The following KIRREL3 variants were observed in gnomAD, a reference collection of about 807,000 sequenced individuals.
KIRREL3 encodes the protein kirre like nephrin family adhesion molecule 3.
A neutral mutation model predicts 89.7 loss-of-function variants in KIRREL3; 36 were observed. The ratio of observed to expected loss-of-function variants is 0.40; its 90% CI spans 0.31 to 0.53. The LOEUF is 0.53. Ranked by LOEUF, KIRREL3 falls within the 20% of genes least tolerant of loss-of-function variation. KIRREL3 has a pLI of 0.49. For missense variants in KIRREL3, 864 were observed against 1,056.6 expected (o/e 0.82, Z 2.53); for synonymous variants, 445 against 441.4 (o/e 1.01, Z -0.10).
chr11:126,914,164 C>G (rs974896659), intron 1 of KIRREL3, among the ~76,000 whole-genome samples: 1 of 152,152 alleles, frequency 6.6e-6, no homozygotes, highest in South Asian at 2.1e-4. Flanking sequence ...AGGAATGTCT[C>G]GGATAGGTGC....
chr11:126,999,391 G>A lies in KIRREL3; in HGVS notation c.55+1064C>T, dbSNP rs1950260575. ...ACAGGGGAGAAACAGAAGACATGCT[G>A]TTTGCTTGCAAAGCCAGCCACCCAT... On this transcript the variant is annotated intron_variant, in intron 1 of 16. Coordinates refer to ENST00000525144, the MANE Select transcript of KIRREL3 (RefSeq NM_032531.4). The surrounding 1 kb of genome is among the most constrained non-coding windows in gnomAD (Gnocchi z 5.7). Among the ~76,000 whole-genome samples, 2 of 152,226 alleles carry A rather than the reference G, an allele frequency of 1.3e-5. No homozygotes were observed. The highest frequency in any genetic ancestry group is 1.5e-5 in the Non-Finnish European group (1 of 68,034).
Position 126,609,360 on chromosome 11 carries a change from A to G in KIRREL3, c.56-46448T>C, listed in dbSNP as rs1943025285. On this transcript the variant is annotated intron_variant, in intron 1 of 16. Transcript: ENST00000525144. The surrounding 1 kb of genome is among the most constrained non-coding windows in gnomAD (Gnocchi z 5.0). ...ATTGGACCTTGTTTATGTAGCATCT[A>G]TTATTTATGATTTCCTTTCGTCTCT... 6.6e-6 allele frequency among the ~76,000 whole-genome samples: 1 copy of G among 152,094 alleles called. No homozygotes were observed. Among genetic ancestry groups the G allele is most frequent in the African/African-American group, 2.4e-5 (1 of 41,414 alleles).
chr11:126,717,027 G>A (rs184474872), intron 1 of KIRREL3, among the ~76,000 whole-genome samples: 3 of 152,234 alleles, frequency 2.0e-5, no homozygotes, highest in Admixed American at 2.0e-4. Flanking sequence ...TGCTTGAACT[G>A]GAAGGGTTCT....
chr11:126,910,086 A>C (rs958143763), intron 1 of KIRREL3, among the ~76,000 whole-genome samples: 17 of 152,174 alleles, frequency 1.1e-4, no homozygotes, highest in African/African-American at 3.9e-4. Flanking sequence ...CTTGGCCCTG[A>C]GTCCATCACC....
intron 1 of KIRREL3, among the ~76,000 whole-genome samples, chr11:126,728,171 C>T (rs1335278025): frequency 6.6e-6 from 1 of 152,052 alleles, no homozygotes; most frequent in Non-Finnish European, 1.5e-5. Context: ...GCTGTGGTGG[C>T]TGGCCCCATG....
In KIRREL3 at chr11:126,983,192, A is replaced by G. The variant is rs1355161672; in HGVS notation, c.55+17263T>C. ...AGGCTACTTGTAGGTACAATATTAT[A>G]ATAACCATTTTGTACTAAGCACCTA... is the stretch of plus-strand genomic sequence containing the variant. On this transcript the variant is annotated intron_variant, in intron 1 of 16. Transcript: ENST00000525144. The surrounding 1 kb of genome is among the most constrained non-coding windows in gnomAD (Gnocchi z 4.9). 1.3e-5 allele frequency among the ~76,000 whole-genome samples: 2 copies of G among 152,142 alleles called. No individual in the cohort carries two copies. Among genetic ancestry groups the G allele is most frequent in the Non-Finnish European group, 2.9e-5 (2 of 68,032 alleles).
Position 126,814,689 on chromosome 11 carries a change from G to A in KIRREL3, c.55+185766C>T, listed in dbSNP as rs1007265264. ...AGGAACAGAAAACCAAACACTGCAT[G>A]TTCTCACTTCTAAGTAGGAGCTGAA... On this transcript the variant is annotated intron_variant, in intron 1 of 16. Transcript: ENST00000525144. This position sits in a 1 kb window ranked among gnomAD's most constrained non-coding sequence, Gnocchi z 4.4. Among the ~76,000 whole-genome samples, 6 of 152,150 alleles carry A rather than the reference G, an allele frequency of 3.9e-5. No homozygotes were observed. The highest frequency in any genetic ancestry group is 1.2e-4 in the African/African-American group (5 of 41,410).
Position 126,896,470 on chromosome 11 carries a change from C to T in KIRREL3, c.55+103985G>A, listed in dbSNP as rs974040227. Among the ~76,000 whole-genome samples the T allele has an allele frequency of 1.3e-5, 2 of 152,194 alleles. No homozygotes were observed. Among genetic ancestry groups the T allele is most frequent in the South Asian group, 2.1e-4 (1 of 4,830 alleles). On this transcript the variant is annotated intron_variant, in intron 1 of 16. Coordinates refer to ENST00000525144, the MANE Select transcript of KIRREL3 (RefSeq NM_032531.4). The surrounding 1 kb of genome is among the most constrained non-coding windows in gnomAD (Gnocchi z 4.1). ...CTTTCCAGAGCTACAGACAGGCATG[C>T]TGTCATCAGACTTCCAATCTTTACT... is the stretch of plus-strand genomic sequence containing the variant.
rs1015473889 is a variant in KIRREL3, at chr11:126,491,931, A to G, written c.434-18465T>C. Among the ~76,000 whole-genome samples, 3 of 152,012 alleles carry G rather than the reference A, an allele frequency of 2.0e-5. No homozygotes were observed. Among genetic ancestry groups the G allele is most frequent in the African/African-American group, 7.3e-5 (3 of 41,370 alleles). ...TGGCCAGGCTGGTCTCGAACTCCAG[A>G]CCTCAAGTGATCCTCCCGCATCAGC... On this transcript the variant is annotated intron_variant, in intron 4 of 16. Coordinates refer to ENST00000525144, the MANE Select transcript of KIRREL3 (RefSeq NM_032531.4). The surrounding 1 kb of genome is among the most constrained non-coding windows in gnomAD (Gnocchi z 5.5).
intron 6 of KIRREL3, among the ~76,000 whole-genome samples, chr11:126,456,787 A>G (rs1246296767): frequency 6.6e-6 from 1 of 152,142 alleles, no homozygotes; most frequent in Non-Finnish European, 1.5e-5. Context: ...AGAGGGGTGC[A>G]GGGCAGAGAG....
At chr11:126,707,658 G>A (rs924541061) in intron 1 of KIRREL3, among the ~76,000 whole-genome samples, 8 of 152,168 alleles carry the variant, frequency 5.3e-5, no homozygotes, top group African/African-American at 1.9e-4. Flanking sequence ...AGCCTGTACT[G>A]TCAGTCCCGG....
rs1451303622 is a variant in KIRREL3 at position 126,664,703 on chromosome 11, C to A, written c.56-101791G>T. On this transcript the variant is annotated intron_variant, in intron 1 of 16. Transcript: ENST00000525144. This position sits in a 1 kb window ranked among gnomAD's most constrained non-coding sequence, Gnocchi z 5.4. Reference sequence around the variant, plus strand: ...CACTGTTGCTCTCTGGGCTGTGGGACATCTAGGAAGCTGATGTCCTTGTTT... The same window carrying A: ...CACTGTTGCTCTCTGGGCTGTGGGAAATCTAGGAAGCTGATGTCCTTGTTT... Among the ~76,000 whole-genome samples the A allele has an allele frequency of 3.3e-5, 5 of 152,190 alleles. No individual in the cohort carries two copies. Among genetic ancestry groups the A allele is most frequent in the Non-Finnish European group, 7.3e-5 (5 of 68,048 alleles).
chr11:126,690,096 C>A lies in KIRREL3; in HGVS notation c.56-127184G>T, dbSNP rs558874021. On this transcript the variant is annotated intron_variant, in intron 1 of 16. Coordinates refer to ENST00000525144, the MANE Select transcript of KIRREL3 (RefSeq NM_032531.4). ...TTGTGTGACTGAGATGTTTTCCCAG[C>A]GTCAGTCTCTCAACCTCCCCAGTTT... Among the ~76,000 whole-genome samples, 4 of 152,176 alleles carry A rather than the reference C, an allele frequency of 2.6e-5. 1 individual carries two copies. The highest frequency in any genetic ancestry group is 2.6e-4 in the Admixed American group (4 of 15,276).
chr11:126,522,224 G>GGA lies in KIRREL3; in HGVS notation c.284-762_284-761dup, dbSNP rs766356547. Among the ~76,000 whole-genome samples, 2 of 151,884 alleles carry GGA rather than the reference G, an allele frequency of 1.3e-5. No individual in the cohort carries two copies. Among genetic ancestry groups the GGA allele is most frequent in the South Asian group, 4.2e-4 (2 of 4,802 alleles). ...GACATGCATTTTGATAAGATAGAGA[G>GGA]GAGAGAGAGAGAGACAGACAGACAG... On this transcript the variant is annotated intron_variant, in intron 3 of 16. Coordinates refer to ENST00000525144, the MANE Select transcript of KIRREL3 (RefSeq NM_032531.4). This position sits in a 1 kb window ranked among gnomAD's most constrained non-coding sequence, Gnocchi z 6.0.
In KIRREL3 at chr11:126,782,851, GCAA is replaced by G. The variant is rs796915453; in HGVS notation, c.55+217601_55+217603del. On this transcript the variant is annotated intron_variant, in intron 1 of 16. Coordinates refer to ENST00000525144, the MANE Select transcript of KIRREL3 (RefSeq NM_032531.4). This position sits in a 1 kb window ranked among gnomAD's most constrained non-coding sequence, Gnocchi z 4.1. The stretch of plus-strand genomic sequence containing the variant: ...CTATATCTCCTGAGAAAGCCTACTA[GCAA>G]CAACATTACAGTAGCAACAAGCACA... Among the ~76,000 whole-genome samples the G allele has an allele frequency of 2.6e-4, 40 of 152,286 alleles. No homozygotes were observed. The highest frequency in any genetic ancestry group is 9.4e-4 in the African/African-American group (39 of 41,570).
In KIRREL3 at chr11:126,923,186, T is replaced by TCTTCTTCTCTTCTTCTTCTC. The variant is rs1947465550; in HGVS notation, c.55+77268_55+77269insGAGAAGAAGAAGAGAAGAAG. On this transcript the variant is annotated intron_variant, in intron 1 of 16. Coordinates refer to ENST00000525144, the MANE Select transcript of KIRREL3 (RefSeq NM_032531.4). Reference sequence around the variant, plus strand: ...CTTCTTCTTCTTCTTCTCTTCTTCTTCTCTTCTTCTTCTTCTTCTTCTTCT... The same window carrying TCTTCTTCTCTTCTTCTTCTC: ...CTTCTTCTTCTTCTTCTCTTCTTCTTCTTCTTCTCTTCTTCTTCTCCTCTTCTTCTTCTTCTTCTTCTTCT... 8.1e-5 allele frequency among the ~76,000 whole-genome samples: 2 copies of TCTTCTTCTCTTCTTCTTCTC among 24,678 alleles called. 1 individual carries two copies. The allele number at this position is 24,678 out of a possible 152,430, so 16.2% of individuals were successfully genotyped here.
chr11:126,804,554 C>A (rs1417868606), intron 1 of KIRREL3, among the ~76,000 whole-genome samples: 1 of 152,166 alleles, frequency 6.6e-6, no homozygotes, highest in Non-Finnish European at 1.5e-5. Context: ...CGCTGAACTT[C>A]ACCTTGACAA....
chr11:126,714,138 C>T (rs955956696), intron 1 of KIRREL3, among the ~76,000 whole-genome samples: 1 of 152,170 alleles, frequency 6.6e-6, no homozygotes, highest in Non-Finnish European at 1.5e-5. Context: ...CAAGCCACAG[C>T]CCGGACAGTC....
At position 126,571,317 on chromosome 11, in the gene KIRREL3, G is replaced by A. The variant is rs1940916713; in HGVS notation, c.56-8405C>T. On this transcript the variant is annotated intron_variant, in intron 1 of 16. Transcript: ENST00000525144. This position sits in a 1 kb window ranked among gnomAD's most constrained non-coding sequence, Gnocchi z 7.7. ...CTGACACAGCCATCAGCTTTCTCTG[G>A]GGCACTTGGCCATCAACATGGGACC... Among the ~76,000 whole-genome samples the A allele has an allele frequency of 1.3e-5, 2 of 152,084 alleles. No homozygotes were observed. Among genetic ancestry groups the A allele is most frequent in the South Asian group, 2.1e-4 (1 of 4,804 alleles).
Sources: allele counts gnomAD v4.1 joint callset (sites outside exome capture counted in the v4.1 genomes callset), GRCh38; gene constraint gnomAD v4.1.1; non-coding constraint Gnocchi (gnomAD v3.1); transcripts MANE v1.5; gene names NCBI Gene and HGNC (gene_info 2026-07-23, HGNC 2026-07-21).